Variants in TMEM196 observed in about 807,000 individuals in gnomAD.
TMEM196 encodes the protein transmembrane protein 196.
Under a neutral mutation model 20.0 loss-of-function variants are expected in TMEM196, and 17 were observed. That is an observed-to-expected ratio of 0.85 (90% CI 0.58 to 1.27). The LOEUF is 1.27. TMEM196 is among the 50% of genes most tolerant of loss of function. The probability of loss-of-function intolerance (pLI) is 0.00; values close to 1 mark genes in which losing one functional copy is unlikely to be tolerated. For missense variants in TMEM196, 267 were observed against 223.0 expected, an observed-to-expected ratio of 1.20 and a Z score of -1.26; for synonymous variants, 113 against 88.9, an observed-to-expected ratio of 1.27 and a Z score of -1.52.
At chr7:19,737,066 A>G (rs1340981502) in intron 1 of TMEM196, among the ~76,000 whole-genome samples, 1 of 152,032 alleles carries the variant, frequency 6.6e-6, no homozygotes, top group Admixed American at 6.6e-5. Context: ...AATAAACACC[A>G]CTGTAGAAAA....
At chr7:19,751,324 G>A (rs905761405) in intron 1 of TMEM196, among the ~76,000 whole-genome samples, 2 of 152,204 alleles carry the variant, frequency 1.3e-5, no homozygotes, top group Non-Finnish European at 1.5e-5. Flanking sequence ...CTGGGAAAAG[G>A]TTAATTGATA....
At chr7:19,727,987 G>T (rs1303023641) in intron 2 of TMEM196, among the ~76,000 whole-genome samples, 1 of 151,992 alleles carries the variant, frequency 6.6e-6, no homozygotes, top group East Asian at 1.9e-4. Flanking sequence ...GGGGACCTTA[G>T]AAAGTACACA....
At chr7:19,763,141 A>T (rs67459119) in intron 1 of TMEM196, among the ~76,000 whole-genome samples, 40,199 of 152,024 alleles carry the variant, frequency 0.26, 5,950 homozygotes, top group East Asian at 0.41. Context: ...TACTTCTGTT[A>T]CTGGTTTCAC....
rs1453171479 is a variant in TMEM196 at position 19,750,450 on chromosome 7, A to G, written c.148-21012T>C. 2.0e-5 allele frequency among the ~76,000 whole-genome samples: 3 copies of G among 152,194 alleles called. No homozygotes were observed. The South Asian group carries it at 6.2e-4, about 32-fold the overall frequency. On this transcript the variant is annotated intron_variant, in intron 1 of 4. Coordinates refer to ENST00000405844, the MANE Select transcript of TMEM196 (RefSeq NM_001363562.2). Reference sequence around the variant, plus strand: ...GGATTTTTTTTTTAGCAAATTTCCAAGTAGTTGAGGTATTTAATCATTATT... The same window carrying G: ...GGATTTTTTTTTTAGCAAATTTCCAGGTAGTTGAGGTATTTAATCATTATT...
chr7:19,744,173 T>A (rs1784670323), intron 1 of TMEM196, among the ~76,000 whole-genome samples: 1 of 152,200 alleles, frequency 6.6e-6, no homozygotes, highest in African/African-American at 2.4e-5. Context: ...TGATTTGTGT[T>A]GTTAATGTAA....
chr7:19,729,984 C>T (rs547241075), intron 1 of TMEM196, among the ~76,000 whole-genome samples: 2 of 152,174 alleles, frequency 1.3e-5, no homozygotes, highest in Admixed American at 6.5e-5. Context: ...AGGCTGGGCG[C>T]GGTGGCTCAC....
intron 1 of TMEM196, among the ~76,000 whole-genome samples, chr7:19,757,645 G>A (rs908247222): frequency 5.9e-5 from 9 of 152,022 alleles, no homozygotes; most frequent in Non-Finnish European, 1.2e-4. Flanking sequence ...GGCTGGAGCT[G>A]AAAAGACATT....
At position 19,720,337 on chromosome 7, in the gene TMEM196, A is replaced by T. The variant is rs749486505; in HGVS notation, c.*1791T>A. On this transcript the variant is annotated 3_prime_UTR_variant, in exon 5 of 5. Transcript: ENST00000405844. ...GCTGATTTAAATAGGTTAAACGATG[A>T]TCATGTTGCTATAAAAGACCTTCAA... 3.9e-5 allele frequency: 6 copies of T among 152,024 alleles called. No homozygotes were observed. Among genetic ancestry groups the T allele is most frequent in the Non-Finnish European group, 8.8e-5 (6 of 67,876 alleles). The allele number at this position is 152,024 out of a possible 1,614,324, so 9.4% of individuals were successfully genotyped here.
At chr7:19,745,791 G>A (rs1330321821) in intron 1 of TMEM196, among the ~76,000 whole-genome samples, 1 of 149,768 alleles carries the variant, frequency 6.7e-6, no homozygotes, top group Non-Finnish European at 1.5e-5. Flanking sequence ...AACCTTAGGA[G>A]ACAAAGGCCA....
intron 1 of TMEM196, among the ~76,000 whole-genome samples, chr7:19,757,333 C>A (rs1785258714): frequency 7.0e-6 from 1 of 142,566 alleles, no homozygotes; most frequent in Non-Finnish European, 1.5e-5. Context: ...GTCACCACAC[C>A]CAGCTTTTTT....
At chr7:19,746,725 A>C (rs1784767016) in intron 1 of TMEM196, among the ~76,000 whole-genome samples, 1 of 152,244 alleles carries the variant, frequency 6.6e-6, no homozygotes, top group Non-Finnish European at 1.5e-5. Flanking sequence ...TATTGCATAA[A>C]ATTATAATTG....
rs575898728 is a variant in TMEM196, at chr7:19,749,014, A to C, written c.148-19576T>G. Among the ~76,000 whole-genome samples, 10 of 152,332 alleles carry C rather than the reference A, an allele frequency of 6.6e-5. No homozygotes were observed. In the South Asian group the frequency reaches 2.1e-3, roughly 32 times the overall value. On this transcript the variant is annotated intron_variant, in intron 1 of 4. Transcript: ENST00000405844. Reference sequence around the variant, plus strand: ...AAAATTATTATGAATCAATGTAAATAGTGATTATCTCTGAGTGGCAGGATT... The same window carrying C: ...AAAATTATTATGAATCAATGTAAATCGTGATTATCTCTGAGTGGCAGGATT...
intron 1 of TMEM196, among the ~76,000 whole-genome samples, chr7:19,771,795 T>C (rs1785891987): frequency 1.3e-5 from 2 of 152,218 alleles, no homozygotes; most frequent in African/African-American, 2.4e-5. Flanking sequence ...GTCTGACATC[T>C]GACCTAGAGA....
intron 1 of TMEM196, among the ~76,000 whole-genome samples, chr7:19,754,812 T>A (rs1785137711): frequency 6.6e-6 from 1 of 152,214 alleles, no homozygotes; most frequent in Non-Finnish European, 1.5e-5. Context: ...CATGAAATTG[T>A]GAATCTCTCC....
At chr7:19,756,178 T>C (rs1785204038) in intron 1 of TMEM196, among the ~76,000 whole-genome samples, 1 of 152,148 alleles carries the variant, frequency 6.6e-6, no homozygotes, top group African/African-American at 2.4e-5. Context: ...TTCTTTTTAG[T>C]AGTACATTAA....
intron 3 of TMEM196, 97 bp downstream of exon 3, chr7:19,725,417 C>T: frequency 7.0e-7 from 1 of 1,430,886 alleles, no homozygotes; most frequent in Non-Finnish European, 9.3e-7. Flanking sequence ...AAATCTGATT[C>T]CTCAAATTGT....
intron 1 of TMEM196, among the ~76,000 whole-genome samples, chr7:19,743,601 T>C (rs577488113): frequency 2.0e-5 from 3 of 152,150 alleles, no homozygotes; most frequent in African/African-American, 4.8e-5. Flanking sequence ...GGGTTGGAAA[T>C]AGTAAGCTAG....
intron 2 of TMEM196, among the ~76,000 whole-genome samples, chr7:19,728,146 A>G (rs555512070): frequency 1.1e-4 from 16 of 152,120 alleles, no homozygotes; most frequent in Admixed American, 3.9e-4. Context: ...ACAACAACAA[A>G]AAGCCTCTTC....
At chr7:19,770,236 C>T (rs866935426) in intron 1 of TMEM196, among the ~76,000 whole-genome samples, 1 of 152,114 alleles carries the variant, frequency 6.6e-6, no homozygotes, top group Non-Finnish European at 1.5e-5. Context: ...TCATTGCTGG[C>T]AAAGTTAGTA....
Sources: gnomAD v4.1 joint callset for allele counts (sites outside exome capture counted in the v4.1 genomes callset) on GRCh38, gnomAD v4.1.1 for gene constraint, MANE v1.5 for transcripts, NCBI Gene and HGNC (gene_info 2026-07-23, HGNC 2026-07-21) for gene names.